The following ZC3H12B variants were observed in gnomAD, a reference collection of about 807,000 sequenced individuals.
The protein encoded by ZC3H12B is zinc finger CCCH-type containing 12B, also known as probable ribonuclease ZC3H12B.
A neutral mutation model predicts 43.9 loss-of-function variants in ZC3H12B; 7 were observed. That is an observed-to-expected ratio of 0.16 (90% confidence interval 0.09 to 0.30). The LOEUF (loss-of-function observed/expected upper bound fraction) is 0.30. ZC3H12B is among the 10% of genes least tolerant of loss of function. The pLI, the probability that ZC3H12B is intolerant of heterozygous loss-of-function variation, is 1.00. For missense variants in ZC3H12B, 475 were observed against 670.2 expected (o/e 0.71, Z 3.22); for synonymous variants, 222 against 241.7 (o/e 0.92, Z 0.76).
chrX:65,349,174 C>A, the ZC3H12B span, among the ~76,000 whole-genome samples: 1 of 111,985 alleles, frequency 8.9e-6, no homozygotes. Context: ...GTCTCTCAGA[C>A]CACAGTGCAG....
the ZC3H12B span, among the ~76,000 whole-genome samples, chrX:65,198,984 C>T: frequency 9.1e-6 from 1 of 110,277 alleles, no homozygotes; most frequent in Non-Finnish European, 1.9e-5. Context: ...GCATCGTCAC[C>T]TCACCCAGAT....
the ZC3H12B span, among the ~76,000 whole-genome samples, chrX:65,069,625 G>A: frequency 9.0e-6 from 1 of 111,687 alleles, no homozygotes; most frequent in African/African-American, 3.3e-5. Context: ...CCAGGCCTGT[G>A]TCCTCCTACT....
chrX:65,088,033 G>A, the ZC3H12B span, among the ~76,000 whole-genome samples: 1 of 111,671 alleles, frequency 9.0e-6, no homozygotes, highest in Non-Finnish European at 1.9e-5. Flanking sequence ...GGCTATTATG[G>A]GTAATGTTTA....
the ZC3H12B span, among the ~76,000 whole-genome samples, chrX:65,113,302 A>T: frequency 8.9e-6 from 1 of 111,924 alleles, no homozygotes; most frequent in Admixed American, 9.5e-5. Flanking sequence ...ACATTGTTGA[A>T]ATGACAACAA....
intron 3 of ZC3H12B, among the ~76,000 whole-genome samples, chrX:65,406,706 C>A (rs1417039269): frequency 1.8e-5 from 2 of 110,924 alleles, no homozygotes; most frequent in African/African-American, 6.5e-5. Context: ...GAGGCGCGGG[C>A]GGCGGCGGCG....
chrX:65,280,360 TAAA>T, the ZC3H12B span, among the ~76,000 whole-genome samples: 1 of 112,248 alleles, frequency 8.9e-6, no homozygotes, highest in Non-Finnish European at 1.9e-5. Context: ...CACTTTATGA[TAAA>T]AACTCTTAAT....
the ZC3H12B span, among the ~76,000 whole-genome samples, chrX:65,264,714 G>T: frequency 1.8e-5 from 2 of 111,414 alleles, no homozygotes; most frequent in Non-Finnish European, 3.8e-5. Flanking sequence ...CTTGCTGGAG[G>T]TCATACATGA....
At chrX:65,250,052 A>T in the ZC3H12B span, among the ~76,000 whole-genome samples, 1 of 110,237 alleles carries the variant, frequency 9.1e-6, no homozygotes, top group Non-Finnish European at 1.9e-5. Context: ...CTCATCATTT[A>T]CATTAGGTAT....
chrX:65,465,107 G>C (rs1175757562), intron 3 of ZC3H12B, among the ~76,000 whole-genome samples: 1 of 111,110 alleles, frequency 9.0e-6, no homozygotes, highest in Non-Finnish European at 1.9e-5. Flanking sequence ...GTAGATTTCT[G>C]TTGTGGTTAG....
At chrX:65,077,552 A>T in the ZC3H12B span, among the ~76,000 whole-genome samples, 158 of 111,821 alleles carry the variant, frequency 1.4e-3, no homozygotes, top group African/African-American at 4.2e-3. Flanking sequence ...TCACCTGTTG[A>T]TGACCTCATT....
the ZC3H12B span, among the ~76,000 whole-genome samples, chrX:65,198,564 C>T: frequency 8.9e-6 from 1 of 111,783 alleles, no homozygotes; most frequent in African/African-American, 3.3e-5. Context: ...TATCATGCCA[C>T]TGTCTCCTGG....
At chrX:65,420,721 C>T (rs1283509134) in intron 3 of ZC3H12B, among the ~76,000 whole-genome samples, 1 of 110,410 alleles carries the variant, frequency 9.1e-6, no homozygotes, top group Admixed American at 9.6e-5. Context: ...AATACATGAA[C>T]AAAATTAGAA....
chrX:65,146,115 C>T, the ZC3H12B span, among the ~76,000 whole-genome samples: 1 of 111,070 alleles, frequency 9.0e-6, no homozygotes, highest in East Asian at 2.8e-4. Context: ...TCAGGAACAT[C>T]AATTATTTTT....
the ZC3H12B span, among the ~76,000 whole-genome samples, chrX:65,344,767 G>A: frequency 7.1e-5 from 8 of 112,441 alleles, no homozygotes; most frequent in African/African-American, 2.6e-4. Context: ...TGTCAACAGA[G>A]TAAACAGACA....
the ZC3H12B span, among the ~76,000 whole-genome samples, chrX:65,102,865 C>T: frequency 9.0e-6 from 1 of 111,418 alleles, no homozygotes; most frequent in Non-Finnish European, 1.9e-5. Context: ...GCAAACCCAG[C>T]AAGTTTTTAT....
chrX:65,192,821 G>A, the ZC3H12B span, among the ~76,000 whole-genome samples: 4 of 107,022 alleles, frequency 3.7e-5, no homozygotes, highest in Non-Finnish European at 5.7e-5. Context: ...TTGAGATGGA[G>A]TCTCGCTCTA....
the ZC3H12B span, among the ~76,000 whole-genome samples, chrX:65,353,022 G>A: frequency 9.1e-6 from 1 of 109,891 alleles, no homozygotes; most frequent in Non-Finnish European, 1.9e-5. Flanking sequence ...TAATTTGTGT[G>A]TGTGTGTGTG....
the ZC3H12B span, among the ~76,000 whole-genome samples, chrX:65,180,099 T>C: frequency 8.9e-6 from 1 of 111,852 alleles, no homozygotes; most frequent in South Asian, 3.7e-4. Flanking sequence ...GATGCCAAAA[T>C]CCTCAATAAA....
chrX:65,094,656 G>A, the ZC3H12B span, among the ~76,000 whole-genome samples: 1 of 112,638 alleles, frequency 8.9e-6, no homozygotes, highest in Non-Finnish European at 1.9e-5. Flanking sequence ...AGCAGTTACT[G>A]TATTCTTCAA....
Sources: gnomAD v4.1 joint callset for allele counts (sites outside exome capture counted in the v4.1 genomes callset) on GRCh38, gnomAD v4.1.1 for gene constraint, MANE v1.5 for transcripts, NCBI Gene and HGNC (gene_info 2026-07-23, HGNC 2026-07-21) for gene names.